The following IL1RAPL1 variants were observed in gnomAD, a reference collection of about 807,000 sequenced individuals.
IL1RAPL1 encodes interleukin 1 receptor accessory protein like 1.
A neutral mutation model predicts 48.4 loss-of-function variants in IL1RAPL1; 3 were observed. The observed-to-expected ratio is 0.06, with a 90% CI of 0.03 to 0.16. The LOEUF (loss-of-function observed/expected upper bound fraction) is 0.16, where lower values mean the gene tolerates loss of function less well. IL1RAPL1 is among the 10% of genes least tolerant of loss of function. The pLI is 1.00. For missense variants in IL1RAPL1, 349 were observed against 530.6 expected (o/e 0.66, Z 3.36); for synonymous variants, 185 against 187.7 (o/e 0.99, Z 0.12).
chrX:28,961,722 T>A (rs1204173863), intron 2 of IL1RAPL1, among the ~76,000 whole-genome samples: 2 of 111,861 alleles, frequency 1.8e-5, no homozygotes, highest in African/African-American at 3.3e-5. Flanking sequence ...CTATTTTCTA[T>A]GGCTGACTTT....
intron 9 of IL1RAPL1, among the ~76,000 whole-genome samples, chrX:29,943,912 C>CA (rs1439485994): frequency 8.9e-6 from 1 of 111,896 alleles, no homozygotes. Flanking sequence ...CTGCTGGGTT[C>CA]TCAGTTTTTT....
intron 1 of IL1RAPL1, among the ~76,000 whole-genome samples, chrX:28,662,169 A>C (rs772678652): frequency 9.1e-6 from 1 of 110,353 alleles, no homozygotes; most frequent in Non-Finnish European, 1.9e-5. Context: ...TTATTTACCA[A>C]CCAATTTGGA....
chrX:29,250,615 A>G (rs1438843870), intron 2 of IL1RAPL1, among the ~76,000 whole-genome samples: 1 of 111,625 alleles, frequency 9.0e-6, no homozygotes, highest in African/African-American at 3.2e-5. Context: ...ATGATATGTA[A>G]GATAAAATTT....
intron 5 of IL1RAPL1, among the ~76,000 whole-genome samples, chrX:29,434,131 T>TA (rs1253081591): frequency 9.1e-6 from 1 of 110,464 alleles, no homozygotes; most frequent in African/African-American, 3.3e-5. Flanking sequence ...TTCCAGTTTT[T>TA]ATTTATCATA....
chrX:29,048,082 T>G (rs919959845), intron 2 of IL1RAPL1, among the ~76,000 whole-genome samples: 4 of 111,656 alleles, frequency 3.6e-5, no homozygotes, highest in Non-Finnish European at 7.5e-5. Context: ...TACGTGTATG[T>G]GTGTTTGTCA....
chrX:28,700,831 G>T (rs189151582), intron 1 of IL1RAPL1, among the ~76,000 whole-genome samples: 57 of 110,989 alleles, frequency 5.1e-4, no homozygotes, highest in African/African-American at 1.6e-3. Flanking sequence ...GTGTTAGTTT[G>T]CTAAGAATGA....
At chrX:29,180,368 C>CATTATT (rs745664167) in intron 2 of IL1RAPL1, among the ~76,000 whole-genome samples, 2 of 109,712 alleles carry the variant, frequency 1.8e-5, no homozygotes, top group African/African-American at 3.3e-5. Flanking sequence ...AGAAGAAACT[C>CATTATT]ATTATTATTA....
chrX:29,775,044 G>A (rs1436805095), intron 6 of IL1RAPL1, among the ~76,000 whole-genome samples: 2 of 111,945 alleles, frequency 1.8e-5, no homozygotes, highest in African/African-American at 3.2e-5. Context: ...TGAGCATGTT[G>A]CTTAAGGAAA....
intron 1 of IL1RAPL1, among the ~76,000 whole-genome samples, chrX:28,596,598 G>A (rs1933958232): frequency 9.0e-6 from 1 of 111,217 alleles, no homozygotes; most frequent in Non-Finnish European, 1.9e-5. Flanking sequence ...AGGACCCCTT[G>A]TGGACACCAA....
chrX:28,734,207 A>G (rs1935790574), intron 1 of IL1RAPL1, among the ~76,000 whole-genome samples: 1 of 111,151 alleles, frequency 9.0e-6, no homozygotes, highest in South Asian at 3.8e-4. Context: ...CCCCTCTTCA[A>G]ATCTATTCTC....
At chrX:29,675,748 G>A (rs1363826374) in intron 6 of IL1RAPL1, among the ~76,000 whole-genome samples, 1 of 110,893 alleles carries the variant, frequency 9.0e-6, no homozygotes, top group Non-Finnish European at 1.9e-5. Context: ...CCGCCACCAT[G>A]CCCAGCTAAA....
intron 8 of IL1RAPL1, among the ~76,000 whole-genome samples, chrX:29,922,611 A>G (rs1263651172): frequency 8.9e-6 from 1 of 111,845 alleles, no homozygotes; most frequent in Non-Finnish European, 1.9e-5. Flanking sequence ...GGGGGGATAA[A>G]AAGGACTTTC....
chrX:29,636,868 G>A (rs996758809), intron 5 of IL1RAPL1, among the ~76,000 whole-genome samples: 6 of 110,596 alleles, frequency 5.4e-5, no homozygotes, highest in Non-Finnish European at 9.4e-5. Context: ...GAGAAACCCC[G>A]TCTCTACTAA....
intron 5 of IL1RAPL1, among the ~76,000 whole-genome samples, chrX:29,480,291 C>CATACATATATATATATATAT (rs375536384): frequency 5.2e-5 from 4 of 76,601 alleles, no homozygotes; most frequent in African/African-American, 2.4e-4. Flanking sequence ...CACACATATA[C>CATACATATATATATATATAT]ATATATATAT....
At chrX:29,845,762 AG>A (rs1221405275) in intron 6 of IL1RAPL1, among the ~76,000 whole-genome samples, 1 of 111,502 alleles carries the variant, frequency 9.0e-6, no homozygotes, top group Non-Finnish European at 1.9e-5. Flanking sequence ...ACAGTTCTGC[AG>A]GCTGTATAGG....
intron 2 of IL1RAPL1, among the ~76,000 whole-genome samples, chrX:28,987,910 G>A (rs1363693229): frequency 1.8e-5 from 2 of 111,732 alleles, no homozygotes; most frequent in Non-Finnish European, 3.8e-5. Flanking sequence ...CCCTGCTTTT[G>A]AGCAAGCCAC....
intron 2 of IL1RAPL1, among the ~76,000 whole-genome samples, chrX:29,262,436 G>A (rs920664281): frequency 5.4e-5 from 6 of 111,075 alleles, no homozygotes; most frequent in African/African-American, 1.6e-4. Context: ...GGCCGAGGTC[G>A]GCAGATGACC....
At chrX:29,222,693 A>T (rs1931005613) in intron 2 of IL1RAPL1, among the ~76,000 whole-genome samples, 1 of 111,760 alleles carries the variant, frequency 8.9e-6, no homozygotes, top group African/African-American at 3.3e-5. Context: ...TGATATCTGA[A>T]ATCTGATGCT....
intron 1 of IL1RAPL1, among the ~76,000 whole-genome samples, chrX:28,625,375 C>T (rs1934328459): frequency 8.9e-6 from 1 of 112,050 alleles, no homozygotes; most frequent in Non-Finnish European, 1.9e-5. Context: ...AGAGAGGCAG[C>T]AGATCAGCCA....
Sources: gnomAD v4.1 joint callset for allele counts (sites outside exome capture counted in the v4.1 genomes callset) on GRCh38, gnomAD v4.1.1 for gene constraint, MANE v1.5 for transcripts, NCBI Gene and HGNC (gene_info 2026-07-23, HGNC 2026-07-21) for gene names.